Variants in SLC25A21 observed in about 807,000 individuals in gnomAD.
SLC25A21 encodes the protein mitochondrial 2-oxodicarboxylate carrier.
In SLC25A21, 47 loss-of-function variants were observed where a neutral mutation model predicts 43.8. That is an observed-to-expected ratio of 1.07 (90% CI 0.85 to 1.37). The LOEUF (loss-of-function observed/expected upper bound fraction) is 1.37. Among genes scored for constraint, SLC25A21 ranks in the 40% most tolerant of loss-of-function variants. The probability of loss-of-function intolerance (pLI) is 0.00; values close to 1 mark genes in which losing one functional copy is unlikely to be tolerated. For missense variants in SLC25A21, 352 were observed against 350.2 expected, an observed-to-expected ratio of 1.00 and a Z score of -0.04; for synonymous variants, 131 against 121.3, an observed-to-expected ratio of 1.08 and a Z score of -0.52.
At chr14:36,700,131 C>T (rs1433988937) in intron 7 of SLC25A21, among the ~76,000 whole-genome samples, 2 of 152,184 alleles carry the variant, frequency 1.3e-5, no homozygotes, top group African/African-American at 4.8e-5. Flanking sequence ...TCAAGCTATC[C>T]TCCTACCACA....
At chr14:37,037,753 C>T (rs1294992631) in intron 1 of SLC25A21, among the ~76,000 whole-genome samples, 2 of 152,108 alleles carry the variant, frequency 1.3e-5, no homozygotes, top group African/African-American at 4.8e-5. Flanking sequence ...CATTCCCCAG[C>T]CCAGAAGTCT....
chr14:36,776,234 C>CTTT (rs1397904925), intron 3 of SLC25A21, among the ~76,000 whole-genome samples: 4 of 75,730 alleles, frequency 5.3e-5, no homozygotes, highest in African/African-American at 2.3e-4. Flanking sequence ...TTCTTTCTTT[C>CTTT]TTTCTTTTTT....
At position 37,088,280 on chromosome 14, in the gene SLC25A21, C is replaced by T. The variant is rs189391541; in HGVS notation, c.70+84001G>A. On this transcript the variant is annotated intron_variant, in intron 1 of 9. Coordinates refer to ENST00000331299, the MANE Select transcript of SLC25A21 (RefSeq NM_030631.4). ...ATATCCTGTACTGAAAATATTTCTA[C>T]AGCTGTTGCTTTTATAGGATTCACT... Among the ~76,000 whole-genome samples, 6 of 152,232 alleles carry T rather than the reference C, an allele frequency of 3.9e-5. No individual in the cohort carries two copies. The East Asian group carries it at 1.2e-3, about 29-fold the overall frequency.
chr14:36,680,516 T>G lies in SLC25A21; in HGVS notation c.*142A>C, dbSNP rs1882186704. Reference sequence around the variant, plus strand: ...AATCTCAAGTTGCCTATAGACATTTTTTAAAGTATTAAAATAGATTTTGTT... The same window carrying G: ...AATCTCAAGTTGCCTATAGACATTTGTTAAAGTATTAAAATAGATTTTGTT... On this transcript the variant is annotated 3_prime_UTR_variant, in exon 10 of 10. Coordinates refer to ENST00000331299, the MANE Select transcript of SLC25A21 (RefSeq NM_030631.4). 7.6e-7 allele frequency: 1 copy of G among 1,312,112 alleles called. No homozygotes were observed. The highest frequency in any genetic ancestry group is 9.7e-7 in the Non-Finnish European group (1 of 1,028,644). 81.3% of individuals were successfully genotyped at this position (1,312,112 alleles called of 1,614,324 possible). A position where few individuals can be genotyped will look rare whatever the true frequency, so the allele number is the denominator to read the frequency against.
intron 1 of SLC25A21, among the ~76,000 whole-genome samples, chr14:36,998,906 C>T (rs1051598138): frequency 6.6e-6 from 1 of 152,022 alleles, no homozygotes. Flanking sequence ...CAATGCCAAA[C>T]GCTGGAGAGG....
chr14:36,969,540 G>A (rs1200755552), intron 1 of SLC25A21, among the ~76,000 whole-genome samples: 2 of 151,970 alleles, frequency 1.3e-5, no homozygotes, highest in Non-Finnish European at 2.9e-5. Context: ...CCAGGCTGGA[G>A]TGCAGTGGTG....
intron 1 of SLC25A21, among the ~76,000 whole-genome samples, chr14:37,031,300 TC>T (rs1246936474): frequency 6.6e-6 from 1 of 152,226 alleles, no homozygotes; most frequent in African/African-American, 2.4e-5. Context: ...CATTCATTTC[TC>T]CTTTTCCTCT....
chr14:36,724,479 C>T (rs1370736486), intron 6 of SLC25A21, among the ~76,000 whole-genome samples: 1 of 152,206 alleles, frequency 6.6e-6, no homozygotes, highest in African/African-American at 2.4e-5. Context: ...ATCAGGTCAG[C>T]AGATACTCCA....
At chr14:37,059,099 G>A (rs747972647) in intron 1 of SLC25A21, among the ~76,000 whole-genome samples, 1 of 152,196 alleles carries the variant, frequency 6.6e-6, no homozygotes, top group Non-Finnish European at 1.5e-5. Context: ...TTCAGGGCAA[G>A]GATCACGTCT....
At chr14:36,857,215 G>GAGCT (rs1299460345) in intron 2 of SLC25A21, among the ~76,000 whole-genome samples, 3 of 152,188 alleles carry the variant, frequency 2.0e-5, no homozygotes, top group African/African-American at 7.2e-5. Flanking sequence ...AGCTGCAGTG[G>GAGCT]AGCTCTGCAA....
intron 3 of SLC25A21, among the ~76,000 whole-genome samples, chr14:36,804,424 TGTTGGGCAA>T (rs112411670): frequency 1.3e-5 from 2 of 152,316 alleles, no homozygotes; most frequent in African/African-American, 4.8e-5. Context: ...AGCTGTGGAA[TGTTGGGCAA>T]GTCCCTTAAC....
intron 1 of SLC25A21, among the ~76,000 whole-genome samples, chr14:37,038,444 T>A (rs1961375680): frequency 6.6e-6 from 1 of 152,170 alleles, no homozygotes; most frequent in African/African-American, 2.4e-5. Flanking sequence ...AATTTCTAAC[T>A]CCTCCAAATA....
chr14:36,716,242 A>T (rs1326206109), intron 6 of SLC25A21, among the ~76,000 whole-genome samples: 1 of 152,184 alleles, frequency 6.6e-6, no homozygotes, highest in East Asian at 1.9e-4. Context: ...AGTGGTTACC[A>T]GGGGTGATGC....
intron 1 of SLC25A21, among the ~76,000 whole-genome samples, chr14:37,065,423 G>C (rs1268349775): frequency 1.3e-5 from 2 of 152,198 alleles, no homozygotes; most frequent in East Asian, 1.9e-4. Context: ...AGATTATTTT[G>C]GCTCAAGACA....
At chr14:37,172,229 C>CCTGTCTGGGCA (rs1357193960) in intron 1 of SLC25A21, 52 bp downstream of exon 1, 2 of 1,522,490 alleles carry the variant, frequency 1.3e-6, no homozygotes, top group Non-Finnish European at 1.8e-6. Context: ...TTTCAGGACA[C>CCTGTCTGGGCA]GCGGTGGGGA....
At chr14:36,907,599 G>A (rs1180969764) in intron 1 of SLC25A21, among the ~76,000 whole-genome samples, 1 of 151,992 alleles carries the variant, frequency 6.6e-6, no homozygotes, top group African/African-American at 2.4e-5. Context: ...TTGAGCTTGT[G>A]GTATATAATC....
intron 1 of SLC25A21, among the ~76,000 whole-genome samples, chr14:37,106,243 C>G (rs1232334373): frequency 6.6e-6 from 1 of 151,866 alleles, no homozygotes; most frequent in Non-Finnish European, 1.5e-5. Flanking sequence ...TGGGGTCGGG[C>G]AAAAAGAGCC....
intron 1 of SLC25A21, among the ~76,000 whole-genome samples, chr14:37,039,603 A>G (rs1961401281): frequency 6.6e-6 from 1 of 152,204 alleles, no homozygotes; most frequent in Non-Finnish European, 1.5e-5. Context: ...CATTTGTTTT[A>G]TCACTGAGTA....
intron 1 of SLC25A21, among the ~76,000 whole-genome samples, chr14:36,876,938 T>TAGATAGATAG (rs987309216): frequency 2.6e-5 from 2 of 76,640 alleles, no homozygotes; most frequent in Non-Finnish European, 3.6e-5. Context: ...GATAGATAGA[T>TAGATAGATAG]ACACACACAC....
Sources: allele counts gnomAD v4.1 joint callset (sites outside exome capture counted in the v4.1 genomes callset), GRCh38; gene constraint gnomAD v4.1.1; transcripts MANE v1.5; gene names NCBI Gene and HGNC (gene_info 2026-07-23, HGNC 2026-07-21).